Variants in PDE8A observed in about 807,000 individuals in gnomAD.
PDE8A encodes the protein high affinity cAMP-specific and IBMX-insensitive 3',5'-cyclic phosphodiesterase 8A.
In PDE8A, 59 loss-of-function variants were observed where a neutral mutation model predicts 105.0. The observed-to-expected ratio is 0.56, with a 90% CI of 0.46 to 0.70. PDE8A has a LOEUF of 0.70. Ranked by LOEUF, PDE8A falls within the 30% of genes least tolerant of loss-of-function variation. The pLI is 0.00. For missense variants in PDE8A, 1,014 were observed against 1,045.9 expected, an observed-to-expected ratio of 0.97 and a Z score of 0.42; for synonymous variants, 355 against 371.9, an observed-to-expected ratio of 0.95 and a Z score of 0.52.
intron 6 of PDE8A, among the ~76,000 whole-genome samples, chr15:85,089,083 G>A (rs1049778120): frequency 5.3e-5 from 8 of 152,116 alleles, no homozygotes; most frequent in African/African-American, 1.2e-4. Context: ...TGATTTGACC[G>A]TGGTATGTGG....
rs1299000747 is a variant in PDE8A at position 85,138,746 on chromosome 15, G to GCACTT, written c.*847_*851dup. ...TCTGAAACAGCTCTAGCCGCCTAAT[G>GCACTT]CACTTCACAGGTAACTCCCCAAGGT... On this transcript the variant is annotated 3_prime_UTR_variant, in exon 22 of 22. Coordinates refer to ENST00000394553, the MANE Select transcript of PDE8A (RefSeq NM_002605.3). 7 of 152,160 alleles carry GCACTT rather than the reference G, an allele frequency of 4.6e-5. No individual in the cohort carries two copies. Among genetic ancestry groups the GCACTT allele is most frequent in the Admixed American group, 1.3e-4 (2 of 15,274 alleles). The allele number at this position is 152,160 out of a possible 1,614,324, so 9.4% of individuals were successfully genotyped here.
At chr15:85,100,231 T>C (rs754693538) in intron 11 of PDE8A, 33 bp downstream of exon 11, 15 of 1,576,674 alleles carry the variant, frequency 9.5e-6, no homozygotes, top group African/African-American at 4.1e-5. Context: ...TTAGAGTTCA[T>C]TGAGTTTTTG....
At chr15:84,988,985 G>A (rs916089189) in intron 1 of PDE8A, among the ~76,000 whole-genome samples, 1 of 152,236 alleles carries the variant, frequency 6.6e-6, no homozygotes, top group Admixed American at 6.5e-5. Flanking sequence ...TTGTTGGGGT[G>A]TATTCTGTGT....
intron 1 of PDE8A, 128 bp from the exon 2 acceptor site, chr15:85,064,239 TCTA>T: frequency 1.6e-6 from 1 of 608,056 alleles, no homozygotes. Context: ...ATTTCATTTA[TCTA>T]CTATTTACTT....
chr15:85,086,837 A>C (rs1210835029), intron 6 of PDE8A, among the ~76,000 whole-genome samples: 1 of 151,540 alleles, frequency 6.6e-6, no homozygotes, highest in Non-Finnish European at 1.5e-5. Flanking sequence ...TGCAACCTTC[A>C]CCTCCCAGGT....
At chr15:85,017,887 C>CAAAAAAA (rs35782842) in intron 1 of PDE8A, among the ~76,000 whole-genome samples, 5 of 81,262 alleles carry the variant, frequency 6.2e-5, no homozygotes, top group East Asian at 3.2e-4. Context: ...AACTCCGTCT[C>CAAAAAAA]AAAAAAAAAA....
At chr15:85,026,069 C>T (rs1207175601) in intron 1 of PDE8A, among the ~76,000 whole-genome samples, 8 of 152,156 alleles carry the variant, frequency 5.3e-5, no homozygotes, top group Admixed American at 1.3e-4. Context: ...CCTCTGAACC[C>T]GTGTTTGTCA....
chr15:85,022,655 T>G (rs1220568616), intron 1 of PDE8A, among the ~76,000 whole-genome samples: 4 of 151,664 alleles, frequency 2.6e-5, no homozygotes, highest in African/African-American at 9.7e-5. Context: ...TTGAAGCAAT[T>G]CTCCTGCCCC....
chr15:85,090,211 T>C (rs1456018988), intron 7 of PDE8A, among the ~76,000 whole-genome samples: 6 of 152,194 alleles, frequency 3.9e-5, no homozygotes, highest in Non-Finnish European at 8.8e-5. Flanking sequence ...CTGAACAACT[T>C]TGGGCAAGTT....
At chr15:85,135,372 C>T (rs573283373) in intron 20 of PDE8A, among the ~76,000 whole-genome samples, 13 of 152,248 alleles carry the variant, frequency 8.5e-5, no homozygotes, top group African/African-American at 2.9e-4. Context: ...CAGAGTGACC[C>T]CCAGAGGGCT....
At chr15:85,066,432 G>A (rs1047297103) in intron 2 of PDE8A, among the ~76,000 whole-genome samples, 4 of 151,870 alleles carry the variant, frequency 2.6e-5, no homozygotes, top group Admixed American at 6.6e-5. Flanking sequence ...ATGTGGTGGC[G>A]CACACCTGTA....
At chr15:85,067,394 C>G (rs940937889) in intron 3 of PDE8A, among the ~76,000 whole-genome samples, 190 bp downstream of exon 3, 7 of 152,136 alleles carry the variant, frequency 4.6e-5, no homozygotes, top group African/African-American at 1.7e-4. Flanking sequence ...CTTCACTTTA[C>G]TTGAAACAGT....
At chr15:85,052,839 T>G (rs1049843714) in intron 1 of PDE8A, among the ~76,000 whole-genome samples, 14 of 152,334 alleles carry the variant, frequency 9.2e-5, no homozygotes, top group South Asian at 6.2e-4. Flanking sequence ...TAGATCCCAT[T>G]TGTCAATTTT....
intron 1 of PDE8A, among the ~76,000 whole-genome samples, chr15:85,058,498 T>G (rs2081097226): frequency 6.6e-6 from 1 of 152,242 alleles, no homozygotes; most frequent in Non-Finnish European, 1.5e-5. Flanking sequence ...CTTTAAATGC[T>G]TGGTAGAATT....
chr15:85,087,891 A>AT (rs991916082), intron 6 of PDE8A, among the ~76,000 whole-genome samples: 6 of 152,090 alleles, frequency 3.9e-5, no homozygotes, highest in African/African-American at 1.2e-4. Flanking sequence ...AAATAATTAG[A>AT]TTTTTTTCTA....
chr15:85,043,767 G>A (rs2080847609), intron 1 of PDE8A, among the ~76,000 whole-genome samples: 1 of 151,980 alleles, frequency 6.6e-6, no homozygotes, highest in Admixed American at 6.6e-5. Flanking sequence ...GTGTGATCTT[G>A]GCACACTGCA....
At chr15:85,073,049 A>T (rs2081334779) in intron 3 of PDE8A, among the ~76,000 whole-genome samples, 1 of 152,118 alleles carries the variant, frequency 6.6e-6, no homozygotes, top group Non-Finnish European at 1.5e-5. Context: ...AGGAGGTCAA[A>T]GCTGCAGTGT....
At chr15:85,020,049 A>C (rs1158210649) in intron 1 of PDE8A, among the ~76,000 whole-genome samples, 1 of 148,410 alleles carries the variant, frequency 6.7e-6, no homozygotes, top group Non-Finnish European at 1.5e-5. Context: ...TCTACATTAC[A>C]AATGGAGCCA....
intron 20 of PDE8A, among the ~76,000 whole-genome samples, chr15:85,129,022 G>T (rs2082295922): frequency 1.3e-5 from 2 of 152,062 alleles, no homozygotes; most frequent in Admixed American, 1.3e-4. Flanking sequence ...TTAGATCTGG[G>T]TTTTCTTCCC....
Sources: allele counts gnomAD v4.1 joint callset (sites outside exome capture counted in the v4.1 genomes callset), GRCh38; gene constraint gnomAD v4.1.1; transcripts MANE v1.5; gene names NCBI Gene and HGNC (gene_info 2026-07-23, HGNC 2026-07-21).